GREM2: variants seen among roughly 807,000 people sequenced by gnomAD.
GREM2 encodes gremlin 2, DAN family BMP antagonist, also known as gremlin-2.
In GREM2, 11 loss-of-function variants were observed where a neutral mutation model predicts 14.2. The observed-to-expected ratio is 0.78, with a 90% confidence interval of 0.49 to 1.28. The LOEUF is 1.28. Among genes scored for constraint, GREM2 ranks in the 50% most tolerant of loss-of-function variants. The probability of loss-of-function intolerance (pLI) is 0.00; values close to 1 mark genes in which losing one functional copy is unlikely to be tolerated. For missense variants in GREM2, 210 were observed against 218.5 expected (o/e 0.96, Z 0.24); for synonymous variants, 98 against 97.6 (o/e 1.00, Z -0.02).
chr1:240,565,874 AG>A (rs1194143799), intron 1 of GREM2, among the ~76,000 whole-genome samples: 1 of 151,506 alleles, frequency 6.6e-6, no homozygotes, highest in African/African-American at 2.4e-5. Context: ...AAAACAAAAC[AG>A]TTATTCAGTT....
At chr1:240,582,427 CT>C (rs1255746221) in intron 1 of GREM2, among the ~76,000 whole-genome samples, 1 of 151,948 alleles carries the variant, frequency 6.6e-6, no homozygotes, top group Non-Finnish European at 1.5e-5. Context: ...AAGAGTGAAA[CT>C]CCATCACACA....
At chr1:240,544,335 C>G (rs887713885) in intron 1 of GREM2, among the ~76,000 whole-genome samples, 8 of 151,780 alleles carry the variant, frequency 5.3e-5, no homozygotes, top group South Asian at 2.1e-4. Flanking sequence ...TTTTAATAGA[C>G]GCGGGGTTTC....
At chr1:240,611,499 G>A (rs1365262158) in intron 1 of GREM2, among the ~76,000 whole-genome samples, 2 of 152,124 alleles carry the variant, frequency 1.3e-5, no homozygotes, top group Admixed American at 6.6e-5. Flanking sequence ...GGTGGGAGAG[G>A]TTCGTAGCCC....
At chr1:240,609,878 C>T (rs956108273) in intron 1 of GREM2, among the ~76,000 whole-genome samples, 3 of 151,956 alleles carry the variant, frequency 2.0e-5, no homozygotes, top group Non-Finnish European at 4.4e-5. Context: ...CTTGTTTAAA[C>T]TTTACCAAAC....
chr1:240,514,234 C>T lies in GREM2; in HGVS notation c.-1-20758G>A, dbSNP rs191404211. Among the ~76,000 whole-genome samples, 446 of 111,588 alleles carry T rather than the reference C, an allele frequency of 4.0e-3. 3 individuals are homozygous for T. Among genetic ancestry groups the T allele is most frequent in the African/African-American group, 0.016 (425 of 26,848 alleles). 73.2% of individuals were successfully genotyped at this position (111,588 alleles called of 152,430 possible). On this transcript the variant is annotated intron_variant, in intron 1 of 1. Coordinates refer to ENST00000318160, the MANE Select transcript of GREM2 (RefSeq NM_022469.4). ...TATACTCCAGCCTGGGCAACAATAGCGAGATTCCATCTCAAAAAAAAAAAA... is the reference window on the plus strand; with the variant it reads ...TATACTCCAGCCTGGGCAACAATAGTGAGATTCCATCTCAAAAAAAAAAAA...
chr1:240,504,410 G>A (rs1168166556), intron 1 of GREM2, among the ~76,000 whole-genome samples: 2 of 152,166 alleles, frequency 1.3e-5, no homozygotes, highest in Non-Finnish European at 2.9e-5. Context: ...ATGAGTACAA[G>A]GGTAGTTTTA....
At chr1:240,537,382 C>A (rs1043841886) in intron 1 of GREM2, among the ~76,000 whole-genome samples, 5 of 152,200 alleles carry the variant, frequency 3.3e-5, no homozygotes, top group Admixed American at 3.3e-4. Flanking sequence ...CCTCTCTGTT[C>A]TCTGAAGTTG....
In GREM2 at chr1:240,601,434, G is replaced by C. The variant is rs1172271134; in HGVS notation, c.-2+10450C>G. ...GCCTAAGATAATGTGAGGACATAGA[G>C]CCAAAGTTATTAAGGGAAAAAGCTT... On this transcript the variant is annotated intron_variant, in intron 1 of 1. Coordinates refer to ENST00000318160, the MANE Select transcript of GREM2 (RefSeq NM_022469.4). Among the ~76,000 whole-genome samples the C allele has an allele frequency of 2.6e-5, 4 of 152,170 alleles. No individual in the cohort carries two copies. The South Asian group carries it at 8.3e-4, about 31-fold the overall frequency.
At chr1:240,583,345 A>G (rs1009354945) in intron 1 of GREM2, among the ~76,000 whole-genome samples, 2 of 152,238 alleles carry the variant, frequency 1.3e-5, no homozygotes, top group African/African-American at 4.8e-5. Context: ...AAAAATATAA[A>G]GATGTGACAG....
chr1:240,564,415 G>A (rs1028310061), intron 1 of GREM2, among the ~76,000 whole-genome samples: 2 of 151,328 alleles, frequency 1.3e-5, no homozygotes. Flanking sequence ...GGCTGAAGCA[G>A]GAGGATCACT....
intron 1 of GREM2, among the ~76,000 whole-genome samples, chr1:240,508,476 C>T (rs888277426): frequency 2.0e-5 from 3 of 152,078 alleles, no homozygotes; most frequent in African/African-American, 7.2e-5. Flanking sequence ...GTCCATTCTG[C>T]CTTTTATAAC....
intron 1 of GREM2, among the ~76,000 whole-genome samples, chr1:240,519,563 T>C (rs1393730231): frequency 6.6e-6 from 1 of 152,222 alleles, no homozygotes; most frequent in Non-Finnish European, 1.5e-5. Context: ...ACGTAACATT[T>C]TTTTAAATCT....
chr1:240,563,135 A>ATGTG (rs10549945), intron 1 of GREM2, among the ~76,000 whole-genome samples: 1 of 134,482 alleles, frequency 7.4e-6, no homozygotes, highest in African/African-American at 2.8e-5. Context: ...GTGTATGTGT[A>ATGTG]TGTGTGTGTG....
chr1:240,550,363 C>G (rs1049996764), intron 1 of GREM2: 1 of 152,102 alleles, frequency 6.6e-6, no homozygotes, highest in African/African-American at 2.4e-5. Flanking sequence ...TTGCCGAAAC[C>G]CCCAATTAAC....
intron 1 of GREM2, among the ~76,000 whole-genome samples, chr1:240,544,393 C>T (rs1239797020): frequency 3.3e-5 from 5 of 152,074 alleles, no homozygotes; most frequent in Non-Finnish European, 2.9e-5. Flanking sequence ...ATGATCTGCC[C>T]GCCTTGGCCT....
chr1:240,567,722 G>A (rs1195763486), intron 1 of GREM2, among the ~76,000 whole-genome samples: 1 of 152,202 alleles, frequency 6.6e-6, no homozygotes, highest in African/African-American at 2.4e-5. Context: ...ACAGAGGGAT[G>A]TAGAGCAACA....
intron 1 of GREM2, among the ~76,000 whole-genome samples, chr1:240,509,925 C>T (rs754302194): frequency 3.3e-5 from 5 of 152,120 alleles, no homozygotes; most frequent in Non-Finnish European, 7.4e-5. Context: ...CTGAGAGCTG[C>T]TCTCAAATAT....
chr1:240,543,369 G>A lies in GREM2; in HGVS notation c.-1-49893C>T, dbSNP rs146117604. 6.6e-6 allele frequency among the ~76,000 whole-genome samples: 1 copy of A among 152,280 alleles called. No individual in the cohort carries two copies. The highest frequency in any genetic ancestry group is 2.4e-5 in the African/African-American group (1 of 41,550). Reference sequence around the variant, plus strand: ...TGGCTGGGGAGGCCTCACAATCAAGGCAGAAGACAAATGAGGAGCAAAATC... The same window carrying A: ...TGGCTGGGGAGGCCTCACAATCAAGACAGAAGACAAATGAGGAGCAAAATC... On this transcript the variant is annotated intron_variant, in intron 1 of 1. Transcript: ENST00000318160. The surrounding 1 kb of genome is among the most constrained non-coding windows in gnomAD (Gnocchi z 6.4).
intron 1 of GREM2, among the ~76,000 whole-genome samples, chr1:240,515,432 T>C (rs1263374663): frequency 6.6e-6 from 1 of 152,228 alleles, no homozygotes; most frequent in East Asian, 1.9e-4. Context: ...TTTCTCCCCC[T>C]TTAATGAGAT....
Sources: allele counts gnomAD v4.1 joint callset (sites outside exome capture counted in the v4.1 genomes callset), GRCh38; gene constraint gnomAD v4.1.1; non-coding constraint Gnocchi (gnomAD v3.1); transcripts MANE v1.5; gene names NCBI Gene and HGNC (gene_info 2026-07-23, HGNC 2026-07-21).